The following ZKSCAN1 variants were observed in gnomAD, a reference collection of about 807,000 sequenced individuals.
ZKSCAN1 encodes the protein zinc finger with KRAB and SCAN domains 1, also known as zinc finger protein with KRAB and SCAN domains 1.
In ZKSCAN1, 14 loss-of-function variants were observed where a neutral mutation model predicts 51.6. The ratio of observed to expected loss-of-function variants is 0.27; its 90% CI spans 0.18 to 0.42. The LOEUF (loss-of-function observed/expected upper bound fraction) is 0.42, where lower values mean the gene tolerates loss of function less well. Among genes scored for constraint, ZKSCAN1 ranks in the 10% least tolerant of loss-of-function variants. The pLI, the probability that ZKSCAN1 is intolerant of heterozygous loss-of-function variation, is 1.00. For synonymous variants in ZKSCAN1, 263 were observed against 261.5 expected (o/e 1.01, Z -0.06); for missense variants, 531 against 710.0 (o/e 0.75, Z 2.86).
intron 2 of ZKSCAN1, 54 bp from the exon 3 acceptor site, chr7:100,024,100 T>G: frequency 6.4e-7 from 1 of 1,562,152 alleles, no homozygotes; most frequent in Admixed American, 2.0e-5. Context: ...TTTAAATATT[T>G]TAATTCCCAT....
chr7:100,015,933 C>G (rs1045229881), intron 1 of ZKSCAN1, among the ~76,000 whole-genome samples: 8 of 152,288 alleles, frequency 5.3e-5, no homozygotes, highest in African/African-American at 1.9e-4. Flanking sequence ...CCCCCAGGAT[C>G]AGGCGGGGAG....
chr7:100,030,396 C>T, intron 5 of ZKSCAN1, 21 bp downstream of exon 5: 2 of 1,607,142 alleles, frequency 1.2e-6, no homozygotes, highest in Non-Finnish European at 1.7e-6. Flanking sequence ...TGCAGGCTTA[C>T]TGTCTGATAA....
rs1791192022 is a variant in ZKSCAN1, at chr7:100,033,272, G to T, written c.800-33G>T. ...CCCACCTGTATATTCAAAAGAAAAAGGTGCGATTTGAATTTTCTATTTATT... is the reference window on the plus strand; with the variant it reads ...CCCACCTGTATATTCAAAAGAAAAATGTGCGATTTGAATTTTCTATTTATT... On this transcript the variant is annotated intron_variant, in intron 5 of 5. Coordinates refer to ENST00000324306, the MANE Select transcript of ZKSCAN1 (RefSeq NM_003439.4). This position sits in a 1 kb window ranked among gnomAD's most constrained non-coding sequence, Gnocchi z 4.1. 1 of 1,562,010 alleles carries T rather than the reference G, an allele frequency of 6.4e-7. No homozygotes were observed. Among genetic ancestry groups the T allele is most frequent in the Non-Finnish European group, 8.6e-7 (1 of 1,159,878 alleles).
intron 3 of ZKSCAN1, among the ~76,000 whole-genome samples, chr7:100,025,329 A>AC (rs1425455687): frequency 6.6e-6 from 1 of 151,864 alleles, no homozygotes; most frequent in Non-Finnish European, 1.5e-5. Context: ...AAAAAAAAAA[A>AC]AAAAAACTAT....
Position 100,033,049 on chromosome 7 carries a change from A to G in ZKSCAN1, c.800-256A>G, listed in dbSNP as rs1393659562. Among the ~76,000 whole-genome samples the G allele has an allele frequency of 6.7e-6, 1 of 149,018 alleles. No individual in the cohort carries two copies. The highest frequency in any genetic ancestry group is 1.5e-5 in the Non-Finnish European group (1 of 67,320). On this transcript the variant is annotated intron_variant, in intron 5 of 5. Transcript: ENST00000324306. The surrounding 1 kb of genome is among the most constrained non-coding windows in gnomAD (Gnocchi z 4.1). ...TACCCGGGCGTGGTAGCATGCACCT[A>G]TAGTCCCAGCTACTTGGGAGGCTGA...
downstream of ZKSCAN1, among the ~76,000 whole-genome samples, chr7:100,044,200 T>G (rs894881976): frequency 3.7e-4 from 57 of 152,158 alleles, no homozygotes; most frequent in Admixed American, 1.1e-3. Flanking sequence ...TGTTTCCTCT[T>G]GATCATTTTC....
chr7:100,017,902 A>G (rs972978395), intron 1 of ZKSCAN1, among the ~76,000 whole-genome samples: 1 of 152,220 alleles, frequency 6.6e-6, no homozygotes. Flanking sequence ...CCATTGCTTA[A>G]TCTTCTAAGC....
Position 100,034,166 on chromosome 7 carries a change from C to G in ZKSCAN1, c.1661C>G (p.Ala554Gly), listed in dbSNP as rs777419532. The G allele has an allele frequency of 2.6e-6, 4 of 1,519,436 alleles. No individual in the cohort carries two copies. The highest frequency in any genetic ancestry group is 4.4e-5 in the Admixed American group (2 of 45,162). 94.1% of individuals were successfully genotyped at this position (1,519,436 alleles called of 1,614,324 possible). A position where few individuals can be genotyped will look rare whatever the true frequency, so the allele number is the denominator to read the frequency against. ...ASEYSPASLD[A>G]FGAFLKSCV ...GAGTACAGCCCAGCCTCCCTTGATG[C>G]ATTTGGCGCGTTCCTGAAAAGTTGT... Residue 554 changes from alanine (A) to glycine (G), a missense_variant, in exon 6 of 6, where the codon GCA becomes GGA. Transcript: ENST00000324306.
At chr7:100,026,093 G>A (rs1790820849) in intron 3 of ZKSCAN1, among the ~76,000 whole-genome samples, 1 of 151,958 alleles carries the variant, frequency 6.6e-6, no homozygotes, top group Non-Finnish European at 1.5e-5. Flanking sequence ...GGTGGCAGGT[G>A]CCTATAATCC....
At chr7:100,024,127 C>T in intron 2 of ZKSCAN1, 27 bp from the exon 3 acceptor site, 5 of 1,587,924 alleles carry the variant, frequency 3.1e-6, no homozygotes, top group Non-Finnish European at 4.3e-6. Context: ...AGTGATTTAC[C>T]CACAAGCCCA....
intron 1 of ZKSCAN1, among the ~76,000 whole-genome samples, chr7:100,020,635 G>A (rs1790550688): frequency 6.6e-6 from 1 of 152,116 alleles, no homozygotes; most frequent in Non-Finnish European, 1.5e-5. Context: ...CAGCCTGGGC[G>A]ATAGAGCAAG....
chr7:100,040,571 A>G lies in ZKSCAN1; in HGVS notation c.*6374A>G. The G allele has an allele frequency of 1.0e-6, 1 of 985,420 alleles. No homozygotes were observed. Among genetic ancestry groups the G allele is most frequent in the South Asian group, 4.7e-5 (1 of 21,288 alleles). The allele number at this position is 985,420 out of a possible 1,614,324, so 61.0% of individuals were successfully genotyped here. Reference sequence around the variant, plus strand: ...TTTGGGTTTTAAGTTCCTTTGGTCCAGGGAAGGGTCCAAGCAGCCACAGTT... The same window carrying G: ...TTTGGGTTTTAAGTTCCTTTGGTCCGGGGAAGGGTCCAAGCAGCCACAGTT... On this transcript the variant is annotated 3_prime_UTR_variant, in exon 6 of 6. Coordinates refer to ENST00000324306, the MANE Select transcript of ZKSCAN1 (RefSeq NM_003439.4).
chr7:100,019,127 C>T (rs1790492696), intron 1 of ZKSCAN1: 1 of 152,232 alleles, frequency 6.6e-6, no homozygotes, highest in African/African-American at 2.4e-5. Context: ...TGCTGTGTCT[C>T]CTCCCTTTCC....
chr7:100,040,419 A>C lies in ZKSCAN1; in HGVS notation c.*6222A>C, dbSNP rs1791546287. The C allele has an allele frequency of 1.0e-6, 1 of 985,468 alleles. No individual in the cohort carries two copies. Among genetic ancestry groups the C allele is most frequent in the South Asian group, 4.7e-5 (1 of 21,292 alleles). The allele number at this position is 985,468 out of a possible 1,614,324, so 61.0% of individuals were successfully genotyped here. A position where few individuals can be genotyped will look rare whatever the true frequency, so the allele number is the denominator to read the frequency against. ...TAATCAGTAAAGTGAATACGTTTTT[A>C]AAATGGAATTTTCTCCCTTCAGCAA... is the stretch of plus-strand genomic sequence containing the variant. On this transcript the variant is annotated 3_prime_UTR_variant, in exon 6 of 6. Transcript: ENST00000324306.
chr7:100,034,411 C>T lies in ZKSCAN1; in HGVS notation c.*214C>T. The T allele has an allele frequency of 2.3e-6, 3 of 1,295,354 alleles. No individual in the cohort carries two copies. The highest frequency in any genetic ancestry group is 2.9e-6 in the Non-Finnish European group (3 of 1,026,294). 80.2% of individuals were successfully genotyped at this position (1,295,354 alleles called of 1,614,324 possible). A position where few individuals can be genotyped will look rare whatever the true frequency, so the allele number is the denominator to read the frequency against. On this transcript the variant is annotated 3_prime_UTR_variant, in exon 6 of 6. Coordinates refer to ENST00000324306, the MANE Select transcript of ZKSCAN1 (RefSeq NM_003439.4). ...ACAGCCCCTGCAGGGAAAGGCTAAT[C>T]TTACGGATAATCCACGTGAGATTTC...
In ZKSCAN1 at chr7:100,037,189, G is replaced by C; in HGVS notation, c.*2992G>C. The C allele has an allele frequency of 1.0e-6, 1 of 985,442 alleles. No individual in the cohort carries two copies. Among genetic ancestry groups the C allele is most frequent in the Non-Finnish European group, 1.2e-6 (1 of 829,924 alleles). 61.0% of individuals were successfully genotyped at this position (985,442 alleles called of 1,614,324 possible). A position where few individuals can be genotyped will look rare whatever the true frequency, so the allele number is the denominator to read the frequency against. On this transcript the variant is annotated 3_prime_UTR_variant, in exon 6 of 6. Transcript: ENST00000324306. ...TGGCGTTCAAGATAGTCATTCAAAAGTTCTTGGCCCGCTGAAGTCTGTTAA... is the reference window on the plus strand; with the variant it reads ...TGGCGTTCAAGATAGTCATTCAAAACTTCTTGGCCCGCTGAAGTCTGTTAA...
chr7:100,042,737 CGTGTGTGT>C (rs34820993), downstream of ZKSCAN1, among the ~76,000 whole-genome samples: 7 of 144,690 alleles, frequency 4.8e-5, no homozygotes, highest in Non-Finnish European at 7.4e-5. Context: ...TATAGATACA[CGTGTGTGT>C]GTGTGTGTGT....
At chr7:100,017,499 G>A (rs1441362506) in intron 1 of ZKSCAN1, among the ~76,000 whole-genome samples, 4 of 152,158 alleles carry the variant, frequency 2.6e-5, no homozygotes, top group Non-Finnish European at 5.9e-5. Context: ...CTGGGATTAC[G>A]GGCGTGAGCC....
At chr7:100,042,799 T>G (rs1359047523), downstream of ZKSCAN1, among the ~76,000 whole-genome samples, 1 of 137,608 alleles carries the variant, frequency 7.3e-6, no homozygotes, top group South Asian at 2.2e-4. Context: ...ATTTTTGGGT[T>G]TTTTTTTTTT....
Sources: allele counts gnomAD v4.1 joint callset (sites outside exome capture counted in the v4.1 genomes callset), GRCh38; gene constraint gnomAD v4.1.1; non-coding constraint Gnocchi (gnomAD v3.1); transcripts MANE v1.5; gene names NCBI Gene and HGNC (gene_info 2026-07-23, HGNC 2026-07-21).